Variants in MIPOL1 observed in about 807,000 individuals in gnomAD.
The protein encoded by MIPOL1 is mirror-image polydactyly 1.
MIPOL1 carries 57 observed loss-of-function variants against 60.9 expected under a neutral mutation model. That is an observed-to-expected ratio of 0.94 (90% confidence interval 0.76 to 1.17). The LOEUF is 1.17. Among genes scored for constraint, MIPOL1 ranks in the 50% most tolerant of loss-of-function variants. MIPOL1 has a pLI of 0.00. For synonymous variants in MIPOL1, 179 were observed against 168.8 expected, an observed-to-expected ratio of 1.06 and a Z score of -0.47; for missense variants, 551 against 511.6, an observed-to-expected ratio of 1.08 and a Z score of -0.74.
intron 1 of MIPOL1, among the ~76,000 whole-genome samples, chr14:37,241,561 T>C (rs955093420): frequency 1.2e-4 from 2 of 16,752 alleles, no homozygotes; most frequent in African/African-American, 2.6e-4. Context: ...CTATTACGGG[T>C]GCGGCAGGGT....
At chr14:37,445,453 C>T (rs2094318529) in intron 11 of MIPOL1, among the ~76,000 whole-genome samples, 1 of 151,542 alleles carries the variant, frequency 6.6e-6, no homozygotes, top group Non-Finnish European at 1.5e-5. Context: ...ACATTCCATG[C>T]TCATGGGTAG....
chr14:37,288,964 C>T (rs1004624406), intron 7 of MIPOL1, among the ~76,000 whole-genome samples: 1 of 152,118 alleles, frequency 6.6e-6, no homozygotes, highest in Non-Finnish European at 1.5e-5. Flanking sequence ...TAAAACTCTG[C>T]TTTTTTCATT....
chr14:37,381,749 A>ATT (rs71127215), intron 10 of MIPOL1, among the ~76,000 whole-genome samples: 30 of 146,004 alleles, frequency 2.1e-4, no homozygotes, highest in Non-Finnish European at 3.0e-4. Flanking sequence ...TGCCCTGCTA[A>ATT]TTTTTTTTTT....
At chr14:37,429,299 A>G (rs1047901009) in intron 11 of MIPOL1, among the ~76,000 whole-genome samples, 6 of 152,194 alleles carry the variant, frequency 3.9e-5, no homozygotes, top group Admixed American at 3.9e-4. Flanking sequence ...AAGAAAGTGT[A>G]AATTAAAGTG....
At position 37,547,196 on chromosome 14, in the gene MIPOL1, G is replaced by T; in HGVS notation, c.*225G>T. Reference sequence around the variant, plus strand: ...TATTAACTATAGACTTTTACCAATGGGTAGCTATAAGGTTACAGCTTATTT... The same window carrying T: ...TATTAACTATAGACTTTTACCAATGTGTAGCTATAAGGTTACAGCTTATTT... On this transcript the variant is annotated 3_prime_UTR_variant, in exon 13 of 13. Coordinates refer to ENST00000684589, the MANE Select transcript of MIPOL1 (RefSeq NM_001388067.1). 4.2e-6 allele frequency: 2 copies of T among 476,828 alleles called. No individual in the cohort carries two copies. Among genetic ancestry groups the T allele is most frequent in the Non-Finnish European group, 7.4e-6 (2 of 268,976 alleles). 29.5% of individuals were successfully genotyped at this position (476,828 alleles called of 1,614,324 possible). A position where few individuals can be genotyped will look rare whatever the true frequency, so the allele number is the denominator to read the frequency against.
chr14:37,234,365 T>TC (rs1026622629), intron 1 of MIPOL1, among the ~76,000 whole-genome samples: 8 of 151,668 alleles, frequency 5.3e-5, no homozygotes, highest in African/African-American at 1.9e-4. Flanking sequence ...TCTTTTCTTT[T>TC]TTTTTTTTTC....
intron 10 of MIPOL1, among the ~76,000 whole-genome samples, chr14:37,372,941 T>C (rs2092681130): frequency 6.6e-6 from 1 of 152,152 alleles, no homozygotes; most frequent in East Asian, 1.9e-4. Flanking sequence ...TTAAAGTAAA[T>C]TTTATCTACT....
chr14:37,472,703 T>C (rs2094706133), intron 11 of MIPOL1, among the ~76,000 whole-genome samples: 1 of 152,158 alleles, frequency 6.6e-6, no homozygotes, highest in South Asian at 2.1e-4. Context: ...CATCCTATTG[T>C]ACAATTCTAA....
chr14:37,245,241 G>A (rs930450170), intron 1 of MIPOL1, among the ~76,000 whole-genome samples: 2 of 152,148 alleles, frequency 1.3e-5, no homozygotes, highest in East Asian at 3.9e-4. Flanking sequence ...AAAATCTTGT[G>A]TTAGCAGAAA....
chr14:37,198,767 C>A (rs192469624), intron 1 of MIPOL1, among the ~76,000 whole-genome samples: 7 of 152,236 alleles, frequency 4.6e-5, no homozygotes, highest in Admixed American at 3.9e-4. Context: ...CAGGTTAAAT[C>A]ACAGTGGTAG....
rs568523355 is a variant in MIPOL1, at chr14:37,344,048, A to G, written c.829-25469A>G. Among the ~76,000 whole-genome samples the G allele has an allele frequency of 2.5e-4, 38 of 152,250 alleles. 1 individual carries two copies. Among genetic ancestry groups the G allele is most frequent in the Middle Eastern group, 6.8e-3 (2 of 294 alleles). On this transcript the variant is annotated intron_variant, in intron 9 of 12. Coordinates refer to ENST00000684589, the MANE Select transcript of MIPOL1 (RefSeq NM_001388067.1). ...CATTCTTTTCATCTATAGCTTTTAT[A>G]GTGTATCTCAGAAATATATAGACTC...
chr14:37,300,141 T>C (rs1228456180), intron 7 of MIPOL1, among the ~76,000 whole-genome samples: 1 of 151,438 alleles, frequency 6.6e-6, no homozygotes, highest in Non-Finnish European at 1.5e-5. Context: ...GCTAAGTTTC[T>C]CCACTGTAAA....
At chr14:37,513,539 T>C (rs1457463568) in intron 12 of MIPOL1, among the ~76,000 whole-genome samples, 1 of 152,140 alleles carries the variant, frequency 6.6e-6, no homozygotes, top group Non-Finnish European at 1.5e-5. Context: ...GAAGGATTAA[T>C]GTAGGATTGT....
chr14:37,282,645 G>A (rs1260855126), intron 6 of MIPOL1, among the ~76,000 whole-genome samples: 1 of 146,678 alleles, frequency 6.8e-6, no homozygotes, highest in African/African-American at 2.5e-5. Context: ...GACCAGCCTG[G>A]CCAACTTGGT....
intron 5 of MIPOL1, among the ~76,000 whole-genome samples, chr14:37,269,884 A>G (rs1187170395): frequency 3.3e-5 from 5 of 152,048 alleles, no homozygotes; most frequent in South Asian, 2.1e-4. Context: ...CTGGAGTTCA[A>G]TGGCGCGATC....
chr14:37,518,908 C>G (rs538191066), intron 12 of MIPOL1, among the ~76,000 whole-genome samples: 5 of 116,908 alleles, frequency 4.3e-5, no homozygotes, highest in African/African-American at 1.8e-4. Context: ...TTTGGGATGT[C>G]TTGTGAATCA....
intron 9 of MIPOL1, among the ~76,000 whole-genome samples, chr14:37,334,908 T>C (rs1000020864): frequency 1.3e-5 from 2 of 152,104 alleles, no homozygotes; most frequent in Non-Finnish European, 2.9e-5. Context: ...CATATTTTGT[T>C]TATTCATTTA....
intron 10 of MIPOL1, among the ~76,000 whole-genome samples, chr14:37,387,771 A>G (rs1236347409): frequency 6.6e-6 from 1 of 151,956 alleles, no homozygotes; most frequent in Non-Finnish European, 1.5e-5. Flanking sequence ...TCTGGAAGCT[A>G]TCAGTCTTGT....
intron 9 of MIPOL1, among the ~76,000 whole-genome samples, chr14:37,323,557 CAG>C (rs1166212897): frequency 6.6e-6 from 1 of 151,866 alleles, no homozygotes; most frequent in Non-Finnish European, 1.5e-5. Context: ...ATTGAAAATT[CAG>C]AGAGTTTTTC....
Sources: gnomAD v4.1 joint callset for allele counts (sites outside exome capture counted in the v4.1 genomes callset) on GRCh38, gnomAD v4.1.1 for gene constraint, MANE v1.5 for transcripts, NCBI Gene and HGNC (gene_info 2026-07-23, HGNC 2026-07-21) for gene names.